Variants in FAT3 observed in about 807,000 individuals in gnomAD.
FAT3 encodes FAT atypical cadherin 3, also known as protocadherin Fat 3.
In FAT3, 95 loss-of-function variants were observed where a neutral mutation model predicts 310.2. The ratio of observed to expected loss-of-function variants is 0.31; its 90% confidence interval spans 0.26 to 0.36. FAT3 has a LOEUF of 0.36. FAT3 is among the 10% of genes least tolerant of loss of function. The pLI, the probability that FAT3 is intolerant of heterozygous loss-of-function variation, is 1.00. For synonymous variants in FAT3, 2,314 were observed against 2,192.9 expected (o/e 1.06, Z -1.54); for missense variants, 5,408 against 5,715.6 (o/e 0.95, Z 1.74).
chr11:92,582,322 C>T (rs1160361441), intron 3 of FAT3, among the ~76,000 whole-genome samples: 1 of 151,930 alleles, frequency 6.6e-6, no homozygotes. Flanking sequence ...AGGTTTCAGC[C>T]TCATTTTACC....
chr11:92,471,914 GC>G (rs1951914573), intron 2 of FAT3, among the ~76,000 whole-genome samples: 1 of 62,916 alleles, frequency 1.6e-5, no homozygotes, highest in Non-Finnish European at 3.2e-5. Flanking sequence ...CTTTTCATAT[GC>G]TATATATATA....
chr11:92,359,596 C>A (rs1229951560), intron 2 of FAT3, among the ~76,000 whole-genome samples: 8 of 148,090 alleles, frequency 5.4e-5, no homozygotes, highest in Non-Finnish European at 1.0e-4. Flanking sequence ...GTCATCTAGC[C>A]TTAGGTATAT....
chr11:92,287,091 T>C (rs1296421849), intron 1 of FAT3, among the ~76,000 whole-genome samples: 1 of 152,192 alleles, frequency 6.6e-6, no homozygotes, highest in East Asian at 1.9e-4. Context: ...ATAGGTTTCC[T>C]GTTCTTCAAA....
At chr11:92,609,530 A>G (rs193223700) in intron 3 of FAT3, among the ~76,000 whole-genome samples, 1 of 152,342 alleles carries the variant, frequency 6.6e-6, no homozygotes, top group African/African-American at 2.4e-5. Context: ...AAACAAGTAT[A>G]CCAAAAGCTC....
intron 2 of FAT3, among the ~76,000 whole-genome samples, chr11:92,515,534 T>C (rs1953450685): frequency 6.6e-6 from 1 of 152,062 alleles, no homozygotes; most frequent in African/African-American, 2.4e-5. Flanking sequence ...TGTATAAATA[T>C]TGATTAAATA....
At position 92,277,859 on chromosome 11, in the gene FAT3, C is replaced by CT. The variant is rs148961924; in HGVS notation, c.-18+52696dup. Among the ~76,000 whole-genome samples the CT allele has an allele frequency of 6.3e-3, 938 of 147,934 alleles. 18 individuals carry two copies. The highest frequency in any genetic ancestry group is 0.025 in the Middle Eastern group (7 of 280). On this transcript the variant is annotated intron_variant, in intron 1 of 27. Coordinates refer to ENST00000525166, the MANE Select transcript of FAT3 (RefSeq NM_001367949.2). ...TAACCCCTGATTCTAAAAAGTCAAT[C>CT]TTTTTTTTTTTAAAAAAAAAAGGTA...
chr11:92,491,203 TCTAG>T (rs1952589014), intron 2 of FAT3, among the ~76,000 whole-genome samples: 1 of 152,078 alleles, frequency 6.6e-6, no homozygotes, highest in African/African-American at 2.4e-5. Flanking sequence ...ACTCAAGTAC[TCTAG>T]CTTAGTGACT....
intron 3 of FAT3, among the ~76,000 whole-genome samples, chr11:92,528,039 C>A (rs1269113836): frequency 6.6e-6 from 1 of 152,122 alleles, no homozygotes; most frequent in African/African-American, 2.4e-5. Flanking sequence ...ATGATTAACG[C>A]CAACGCAAAT....
chr11:92,381,604 C>A (rs1442766495), intron 2 of FAT3, among the ~76,000 whole-genome samples: 1 of 152,042 alleles, frequency 6.6e-6, no homozygotes, highest in Non-Finnish European at 1.5e-5. Flanking sequence ...CATTAATTAT[C>A]CTTCCTTCCG....
At chr11:92,577,083 CA>C (rs1938522274) in intron 3 of FAT3, among the ~76,000 whole-genome samples, 1 of 151,828 alleles carries the variant, frequency 6.6e-6, no homozygotes, top group Non-Finnish European at 1.5e-5. Context: ...ATGTGTCAGG[CA>C]TTACCTTGTT....
chr11:92,851,732 T>C (rs1420974717), intron 19 of FAT3, among the ~76,000 whole-genome samples: 2 of 151,982 alleles, frequency 1.3e-5, no homozygotes, highest in Non-Finnish European at 2.9e-5. Flanking sequence ...ATGCAGAGCA[T>C]GTCAGCCTAT....
chr11:92,354,654 A>G lies in FAT3; in HGVS notation c.2542A>G (p.Thr848Ala). ...CATTCTTGAAAGTTCAGGCATTGGT[A>G]CTGAAATCATTCAAGTGGAAGCCAG... is the stretch of plus-strand genomic sequence containing the variant. ...VNILESSGIGTEIIQVEARDK... is the reference protein window; with the variant it reads ...VNILESSGIGAEIIQVEARDK... Residue 848 changes from threonine (T) to alanine (A), a missense_variant, in exon 2 of 28, where the codon ACT (threonine) becomes GCT (alanine). Physicochemically the swap from Thr to Ala is moderately conservative, Grantham distance 58. This residue lies in a region of FAT3 where 4,588 missense variants were observed against 4,809.8 expected (regional missense o/e 0.95). Transcript: ENST00000525166. 6.2e-7 allele frequency: 1 copy of G among 1,613,876 alleles called. No homozygotes were observed. The highest frequency in any genetic ancestry group is 8.5e-7 in the Non-Finnish European group (1 of 1,179,864).
In FAT3 at chr11:92,754,534, A is replaced by G. The variant is rs540712793; in HGVS notation, c.3670-7322A>G. On this transcript the variant is annotated intron_variant, in intron 4 of 27. Transcript: ENST00000525166. ...TCCCAGCTACTCGGGAGGCTGAGGC[A>G]GGAGAATGGCGTGAACCTGGGAGGT... Among the ~76,000 whole-genome samples, 305 of 148,266 alleles carry G rather than the reference A, an allele frequency of 2.1e-3. 1 individual carries two copies. The highest frequency in any genetic ancestry group is 7.4e-3 in the African/African-American group (296 of 40,162).
In FAT3 at chr11:92,805,172, G is replaced by A. The variant is rs766060255; in HGVS notation, c.8916G>A (p.Arg2972=). The A allele has an allele frequency of 3.7e-6, 6 of 1,611,620 alleles. No individual in the cohort carries two copies. The highest frequency in any genetic ancestry group is 3.3e-5 in the South Asian group (3 of 90,830). ...YHITGGNPRG[R]FALGLVQSEW... Reference sequence around the variant, plus strand: ...CTGCAGGAGGAAACCCTCGAGGAAGGTTTGCTCTGGGCCTGGTGCAAAGTG... The same window carrying A: ...CTGCAGGAGGAAACCCTCGAGGAAGATTTGCTCTGGGCCTGGTGCAAAGTG... The change falls in exon 11 of 28, where the codon AGG becomes AGA. Residue 2972 remains arginine (R), a synonymous_variant. Transcript: ENST00000525166.
chr11:92,805,460 TG>T, intron 11 of FAT3, 111 bp downstream of exon 11: 1 of 1,155,150 alleles, frequency 8.7e-7, no homozygotes, highest in Admixed American at 2.6e-5. Context: ...TATCTGCAAT[TG>T]GGTGTGGGTA....
intron 3 of FAT3, among the ~76,000 whole-genome samples, chr11:92,610,465 T>TG (rs1416395371): frequency 6.6e-6 from 1 of 152,236 alleles, no homozygotes; most frequent in African/African-American, 2.4e-5. Context: ...AAACTGTCTT[T>TG]AAGTTGAACC....
chr11:92,876,323 A>G (rs1205343640), intron 22 of FAT3, among the ~76,000 whole-genome samples: 1 of 152,238 alleles, frequency 6.6e-6, no homozygotes, highest in African/African-American at 2.4e-5. Flanking sequence ...GGTGACACAA[A>G]GAAGCGTTTT....
chr11:92,554,782 G>A (rs1184277480), intron 3 of FAT3, among the ~76,000 whole-genome samples: 1 of 152,156 alleles, frequency 6.6e-6, no homozygotes, highest in Non-Finnish European at 1.5e-5. Flanking sequence ...TGTGCTATCT[G>A]TGTCATGGTG....
chr11:92,432,851 G>T (rs1950824431), intron 2 of FAT3, among the ~76,000 whole-genome samples: 1 of 152,172 alleles, frequency 6.6e-6, no homozygotes, highest in Non-Finnish European at 1.5e-5. Context: ...CCTTTCCTCA[G>T]GTGCTCTGTC....
Sources: allele counts gnomAD v4.1 joint callset (sites outside exome capture counted in the v4.1 genomes callset), GRCh38; gene constraint gnomAD v4.1.1; regional missense constraint gnomAD v4.1.1; transcripts MANE v1.5; gene names NCBI Gene and HGNC (gene_info 2026-07-23, HGNC 2026-07-21).